The following AQP7B variants were observed in gnomAD, a reference collection of about 807,000 sequenced individuals.
The protein encoded by AQP7B is aquaporin 7B.
the AQP7B span, among the ~76,000 whole-genome samples, chr2:94,601,949 C>G: frequency 6.6e-6 from 1 of 151,410 alleles, no homozygotes; most frequent in Admixed American, 6.6e-5. Context: ...CGCCTGAGGT[C>G]AGTGGAAATG....
the AQP7B span, among the ~76,000 whole-genome samples, chr2:94,588,795 C>A: frequency 4.0e-5 from 6 of 151,110 alleles, no homozygotes; most frequent in African/African-American, 1.5e-4. Flanking sequence ...ATGCAGGTGG[C>A]CTTCAACTCA....
the AQP7B span, chr2:94,602,949 T>C: frequency 1.4e-6 from 2 of 1,415,876 alleles, no homozygotes; most frequent in Non-Finnish European, 1.9e-6. Context: ...CATGCTGTCA[T>C]ACACACTAGC....
the AQP7B span, chr2:94,603,704 C>A: frequency 7.0e-7 from 1 of 1,438,466 alleles, no homozygotes; most frequent in East Asian, 2.3e-5. Flanking sequence ...ACAGCATCTG[C>A]TCCTCAGGAG....
the AQP7B span, among the ~76,000 whole-genome samples, chr2:94,601,346 C>T: frequency 6.6e-6 from 1 of 152,288 alleles, no homozygotes; most frequent in South Asian, 2.1e-4. Context: ...TGTGAGATGG[C>T]AAACCTTCAA....
the AQP7B span, chr2:94,604,464 A>G: frequency 3.1e-6 from 5 of 1,608,772 alleles, no homozygotes; most frequent in African/African-American, 5.3e-5. Context: ...ATGGGATCTC[A>G]TGAACCCATG....
chr2:94,603,919 C>G, the AQP7B span: 1 of 1,280,704 alleles, frequency 7.8e-7, no homozygotes, highest in Non-Finnish European at 1.1e-6. Flanking sequence ...CTGGGGCAAA[C>G]AGGTCTTCAG....
the AQP7B span, among the ~76,000 whole-genome samples, chr2:94,599,093 C>T: frequency 1.8e-4 from 27 of 152,348 alleles, 2 homozygotes; most frequent in South Asian, 2.1e-3. Context: ...TGAGCCAACA[C>T]ACCTGGCCTA....
At chr2:94,596,847 G>T in the AQP7B span, among the ~76,000 whole-genome samples, 3 of 152,086 alleles carry the variant, frequency 2.0e-5, no homozygotes, top group Admixed American at 6.5e-5. Context: ...CTACAGGCAC[G>T]TGCCACTGTG....
chr2:94,596,046 G>C, the AQP7B span, among the ~76,000 whole-genome samples: 1 of 152,372 alleles, frequency 6.6e-6, no homozygotes, highest in African/African-American at 2.4e-5. Flanking sequence ...CGGTCAGAGA[G>C]GTGTGAGGAG....
chr2:94,599,690 A>G, the AQP7B span, among the ~76,000 whole-genome samples: 6 of 151,520 alleles, frequency 4.0e-5, no homozygotes, highest in East Asian at 2.0e-4. Flanking sequence ...TCTGTCCTTT[A>G]TCTTCAGCCC....
chr2:94,596,466 G>T, the AQP7B span, among the ~76,000 whole-genome samples: 1 of 152,194 alleles, frequency 6.6e-6, no homozygotes, highest in East Asian at 1.9e-4. Flanking sequence ...TGTGTGTGTG[G>T]TGGGGCCCAT....
chr2:94,604,484 C>T, the AQP7B span: 1 of 1,611,154 alleles, frequency 6.2e-7, no homozygotes, highest in Non-Finnish European at 8.5e-7. Context: ...GATCTCTCCC[C>T]TCACCCTCAT....
chr2:94,596,156 T>A, the AQP7B span, among the ~76,000 whole-genome samples: 2 of 152,212 alleles, frequency 1.3e-5, no homozygotes, highest in Non-Finnish European at 2.9e-5. Flanking sequence ...AGGTGAGCAC[T>A]GGCAAGAGGC....
At chr2:94,603,032 C>T in the AQP7B span, 10 of 1,594,746 alleles carry the variant, frequency 6.3e-6, no homozygotes, top group South Asian at 2.3e-5. Context: ...GCCTGCTGCC[C>T]GCAGGAGCCC....
At chr2:94,591,974 G>A in the AQP7B span, among the ~76,000 whole-genome samples, 1 of 152,154 alleles carries the variant, frequency 6.6e-6, no homozygotes, top group Admixed American at 6.5e-5. Flanking sequence ...TTGTACCAGT[G>A]TCCTTTACTG....
the AQP7B span, among the ~76,000 whole-genome samples, chr2:94,597,422 C>A: frequency 6.6e-6 from 1 of 152,110 alleles, no homozygotes; most frequent in East Asian, 1.9e-4. Context: ...GCATCCCGGG[C>A]TCTGTGATGC....
At chr2:94,596,490 G>A in the AQP7B span, among the ~76,000 whole-genome samples, 2 of 152,184 alleles carry the variant, frequency 1.3e-5, no homozygotes, top group African/African-American at 4.8e-5. Flanking sequence ...GCTCAAGGGA[G>A]AGAGGAAATC....
At chr2:94,594,771 C>T in the AQP7B span, 1 of 1,581,192 alleles carries the variant, frequency 6.3e-7, no homozygotes, top group African/African-American at 1.3e-5. Flanking sequence ...AAATGGTCTC[C>T]TGGTCCGTGA....
chr2:94,589,611 G>C, the AQP7B span, among the ~76,000 whole-genome samples: 1 of 152,104 alleles, frequency 6.6e-6, no homozygotes, highest in Non-Finnish European at 1.5e-5. Context: ...ACACAAGCAG[G>C]GATATTTGCC....
Sources: allele counts gnomAD v4.1 joint callset (sites outside exome capture counted in the v4.1 genomes callset), GRCh38; gene constraint gnomAD v4.1.1; transcripts MANE v1.5; gene names NCBI Gene and HGNC (gene_info 2026-07-23, HGNC 2026-07-21).